CYTH3: variants seen among roughly 807,000 people sequenced by gnomAD.
CYTH3 encodes the protein cytohesin 3, also known as cytohesin-3.
A neutral mutation model predicts 55.1 loss-of-function variants in CYTH3; 23 were observed. The observed-to-expected ratio is 0.42, with a 90% CI of 0.30 to 0.59. The LOEUF (loss-of-function observed/expected upper bound fraction) is 0.59, where lower values mean the gene tolerates loss of function less well. Among genes scored for constraint, CYTH3 ranks in the 20% least tolerant of loss-of-function variants. The probability of loss-of-function intolerance (pLI) is 0.20; values close to 1 mark genes in which losing one functional copy is unlikely to be tolerated. For synonymous variants in CYTH3, 249 were observed against 194.9 expected, an observed-to-expected ratio of 1.28 and a Z score of -2.31; for missense variants, 413 against 524.8, an observed-to-expected ratio of 0.79 and a Z score of 2.08.
chr7:6,186,916 A>C lies in CYTH3; in HGVS notation c.249+134T>G. On this transcript the variant is annotated intron_variant, in intron 4 of 12. Transcript: ENST00000350796. ...TCGCGAAAAGCCCCTTTTTGATAAA[A>C]ATGTGCCTTCAACTCCCAGTCTTTT... 3.4e-6 allele frequency: 3 copies of C among 875,940 alleles called. No individual in the cohort carries two copies. The South Asian group carries it at 4.7e-5, about 14-fold the overall frequency. 54.3% of individuals were successfully genotyped at this position (875,940 alleles called of 1,614,324 possible).
At chr7:6,238,156 G>C (rs1779575149) in intron 1 of CYTH3, among the ~76,000 whole-genome samples, 1 of 152,148 alleles carries the variant, frequency 6.6e-6, no homozygotes, top group Non-Finnish European at 1.5e-5. Flanking sequence ...ACTCCAACCA[G>C]AATAAGAATG....
At chr7:6,260,325 C>G (rs925990794) in intron 1 of CYTH3, among the ~76,000 whole-genome samples, 1 of 152,082 alleles carries the variant, frequency 6.6e-6, no homozygotes, top group Non-Finnish European at 1.5e-5. Context: ...AAAATGCAAA[C>G]AGCATTATTA....
chr7:6,249,669 G>A (rs558586547), intron 1 of CYTH3, among the ~76,000 whole-genome samples: 1 of 152,292 alleles, frequency 6.6e-6, no homozygotes, highest in South Asian at 2.1e-4. Context: ...CCAAAAGTGT[G>A]TTACACTCTA....
intron 1 of CYTH3, among the ~76,000 whole-genome samples, chr7:6,218,008 C>T (rs1164226990): frequency 6.6e-6 from 1 of 152,048 alleles, no homozygotes; most frequent in African/African-American, 2.4e-5. Context: ...CATGACAAAA[C>T]CTCATCTCTA....
intron 6 of CYTH3, chr7:6,172,956 T>C: frequency 8.7e-7 from 1 of 1,145,584 alleles, no homozygotes. Context: ...GAGAACAAGG[T>C]ATGAAGCCGA....
At position 6,169,569 on chromosome 7, in the gene CYTH3, C is replaced by T. The variant is rs879653196; in HGVS notation, c.823+966G>A. On this transcript the variant is annotated intron_variant, in intron 9 of 12. Transcript: ENST00000350796. This position sits in a 1 kb window ranked among gnomAD's most constrained non-coding sequence, Gnocchi z 4.1. ...ACTCCATGTCTCACGTGCTGCCCAG[C>T]GGCCGCCTGCTCTCAGAAAGGCTTG... Among the ~76,000 whole-genome samples the T allele has an allele frequency of 4.6e-5, 7 of 152,304 alleles. No individual in the cohort carries two copies. Among genetic ancestry groups the T allele is most frequent in the African/African-American group, 1.2e-4 (5 of 41,560 alleles).
chr7:6,185,930 A>T (rs2128542841), intron 4 of CYTH3, among the ~76,000 whole-genome samples: 1 of 152,078 alleles, frequency 6.6e-6, no homozygotes, highest in South Asian at 2.1e-4. Context: ...ATGCCAGAAA[A>T]GCAAGGGGAA....
chr7:6,181,960 G>GTA (rs1783514459), intron 4 of CYTH3, among the ~76,000 whole-genome samples: 1 of 151,980 alleles, frequency 6.6e-6, no homozygotes, highest in South Asian at 2.1e-4. Context: ...ACATCCTATC[G>GTA]TATCTCTTTG....
intron 1 of CYTH3, among the ~76,000 whole-genome samples, chr7:6,270,363 A>G (rs1311946374): frequency 2.0e-5 from 3 of 152,256 alleles, no homozygotes; most frequent in Non-Finnish European, 2.9e-5. Context: ...CCAGCACCTA[A>G]CATGCTGGCT....
At chr7:6,263,842 A>G (rs1169216110) in intron 1 of CYTH3, among the ~76,000 whole-genome samples, 1 of 152,184 alleles carries the variant, frequency 6.6e-6, no homozygotes, top group Non-Finnish European at 1.5e-5. Context: ...AAGATAGACA[A>G]AACGTGATCG....
At chr7:6,173,247 A>C (rs961480542) in intron 6 of CYTH3, among the ~76,000 whole-genome samples, 1 of 152,102 alleles carries the variant, frequency 6.6e-6, no homozygotes, top group Non-Finnish European at 1.5e-5. Context: ...ATGGCGAGAC[A>C]CCTACATCCT....
At chr7:6,174,336 A>G (rs1227179855) in intron 5 of CYTH3, among the ~76,000 whole-genome samples, 1 of 150,050 alleles carries the variant, frequency 6.7e-6, no homozygotes, top group Non-Finnish European at 1.5e-5. Flanking sequence ...GCTGGTCTCG[A>G]ACTCCCGACC....
intron 1 of CYTH3, among the ~76,000 whole-genome samples, chr7:6,267,644 C>T (rs1780534944): frequency 6.6e-6 from 1 of 152,290 alleles, no homozygotes; most frequent in Middle Eastern, 3.4e-3. Context: ...CTGCCTCAGC[C>T]TCTCGAGCAG....
chr7:6,239,801 A>G (rs1779626482), intron 1 of CYTH3, among the ~76,000 whole-genome samples: 1 of 152,258 alleles, frequency 6.6e-6, no homozygotes, highest in South Asian at 2.1e-4. Context: ...AATAAATTTA[A>G]TAATAAATGC....
intron 9 of CYTH3, among the ~76,000 whole-genome samples, chr7:6,166,497 G>A (rs1038030681): frequency 7.2e-5 from 11 of 152,204 alleles, no homozygotes; most frequent in African/African-American, 1.7e-4. Context: ...CCTCTCCAGC[G>A]CTGCGGAGCT....
chr7:6,226,148 C>G (rs1366442284), intron 1 of CYTH3, among the ~76,000 whole-genome samples: 1 of 152,108 alleles, frequency 6.6e-6, no homozygotes, highest in African/African-American at 2.4e-5. Context: ...AAATAAAAAG[C>G]AATGCATCTG....
rs1782963453 is a variant in CYTH3, at chr7:6,165,347, T to C, written c.1053A>G (p.Val351=). The change falls in exon 12 of 13, where the codon GTA becomes GTG. Residue 351 remains valine, a synonymous_variant. Transcript: ENST00000350796. The part of the protein sequence containing the change: ...ACKTEADGRV[V]EGNHVVYRIS... ...TCCGGTACACCACATGGTTCCCCTC[T>C]ACCACGCGGCCGTCGGCCTCAGTCT... 6.2e-7 allele frequency: 1 copy of C among 1,614,158 alleles called. No homozygotes were observed. Among genetic ancestry groups the C allele is most frequent in the Non-Finnish European group, 8.5e-7 (1 of 1,180,018 alleles).
chr7:6,268,653 G>A (rs917905926), intron 1 of CYTH3, among the ~76,000 whole-genome samples: 1 of 152,120 alleles, frequency 6.6e-6, no homozygotes, highest in East Asian at 1.9e-4. Context: ...TATCTCACAC[G>A]TGTACAAATA....
chr7:6,163,809 A>G lies in CYTH3; in HGVS notation c.*1135T>C, dbSNP rs1352757702. Reference sequence around the variant, plus strand: ...TAGTTAATTCTGTGTCTATTCATTAAGAAATCTGGTCAAATTAGAAAGTCT... The same window carrying G: ...TAGTTAATTCTGTGTCTATTCATTAGGAAATCTGGTCAAATTAGAAAGTCT... On this transcript the variant is annotated 3_prime_UTR_variant, in exon 13 of 13. Transcript: ENST00000350796. The G allele has an allele frequency of 2.6e-5, 4 of 152,190 alleles. 1 individual carries two copies. The highest frequency in any genetic ancestry group is 9.7e-5 in the African/African-American group (4 of 41,440). 9.4% of individuals were successfully genotyped at this position (152,190 alleles called of 1,614,324 possible).
Sources: gnomAD v4.1 joint callset for allele counts (sites outside exome capture counted in the v4.1 genomes callset) on GRCh38, gnomAD v4.1.1 for gene constraint, Gnocchi (gnomAD v3.1) non-coding constraint, MANE v1.5 for transcripts, NCBI Gene and HGNC (gene_info 2026-07-23, HGNC 2026-07-21) for gene names.